The following MTCL1 variants were observed in gnomAD, a reference collection of about 807,000 sequenced individuals.
The protein encoded by MTCL1 is microtubule cross-linking factor 1.
A neutral mutation model predicts 141.4 loss-of-function variants in MTCL1; 79 were observed. The observed-to-expected ratio is 0.56, with a 90% CI of 0.47 to 0.67. The LOEUF (loss-of-function observed/expected upper bound fraction) is 0.67. Among genes scored for constraint, MTCL1 ranks in the 30% least tolerant of loss-of-function variants. The pLI is 0.00. For missense variants in MTCL1, 2,177 were observed against 2,113.9 expected (o/e 1.03, Z -0.59); for synonymous variants, 914 against 875.8 (o/e 1.04, Z -0.77).
At chr18:8,825,855 A>T in exon 15 of MTCL1, 1 of 1,614,120 alleles carries the variant, frequency 6.2e-7, no homozygotes, top group Non-Finnish European at 8.5e-7. Flanking sequence ...CCTCTTCAAC[A>T]TCATTGACCA....
chr18:8,710,837 CTTTTTTTTT>C (rs59041416), intron 1 of MTCL1, among the ~76,000 whole-genome samples: 1 of 80,934 alleles, frequency 1.2e-5, no homozygotes, highest in African/African-American at 4.8e-5. Flanking sequence ...GGAAGGCTTT[CTTTTTTTTT>C]TTTTTTTTTT....
At chr18:8,718,006 A>G in intron 2 of MTCL1, 1 of 1,018,518 alleles carries the variant, frequency 9.8e-7, no homozygotes, top group Non-Finnish European at 1.2e-6. Context: ...TATCCTACTG[A>G]AGTTTATGTT....
At chr18:8,785,380 G>A (rs750844229) in intron 6 of MTCL1, among the ~76,000 whole-genome samples, 16 of 152,222 alleles carry the variant, frequency 1.1e-4, no homozygotes, top group Admixed American at 2.0e-4. Flanking sequence ...CAAAGCGGGC[G>A]AGGAGCACGG....
Position 8,773,901 on chromosome 18 carries a change from A to G in MTCL1, c.358-3932A>G, listed in dbSNP as rs144307862. ...GTCTATCTTATACCAGCACCGAACC[A>G]TTGTATTGAATTTTTATATCTAATA... On this transcript the variant is annotated intron_variant, in intron 4 of 16. Transcript: ENST00000359865. Among the ~76,000 whole-genome samples the G allele has an allele frequency of 3.5e-3, 540 of 152,284 alleles. 6 individuals carry two copies. The highest frequency in any genetic ancestry group is 0.012 in the African/African-American group (517 of 41,548).
chr18:8,727,895 C>CCTCTCT (rs35191368), intron 4 of MTCL1, among the ~76,000 whole-genome samples: 2 of 142,212 alleles, frequency 1.4e-5, no homozygotes, highest in African/African-American at 5.3e-5. Context: ...TCCCTCCCTC[C>CCTCTCT]CTCTCTCTCT....
chr18:8,825,481 C>G lies in MTCL1; in HGVS notation c.3971C>G (p.Thr1324Ser), dbSNP rs116556506. Residue 1324 changes from threonine to serine, a missense_variant, in exon 15 of 17, where the codon ACC (threonine) becomes AGC (serine). By Grantham distance (58) the Thr-to-Ser change is moderately conservative. Transcript: ENST00000359865. The stretch of plus-strand genomic sequence containing the variant: ...ACGATGGGGACCCAGACTGTTCAGA[C>G]CATCAGTGTGGGCTTGCAGACTGAA... 1.9e-4 allele frequency: 301 copies of G among 1,609,658 alleles called. No homozygotes were observed. In the African/African-American group the frequency reaches 3.5e-3, roughly 19 times the overall value.
rs1241442977 is a variant in MTCL1, at chr18:8,828,159, C to T, written c.4723-749C>T. On this transcript the variant is annotated intron_variant, in intron 15 of 16. Transcript: ENST00000359865. The surrounding 1 kb of genome is among the most constrained non-coding windows in gnomAD (Gnocchi z 5.2). Reference sequence around the variant, plus strand: ...GCTCCATGAATTATGCAGTAGTTCTCGGTATGCGTTCCCAAATCCCCAGGA... The same window carrying T: ...GCTCCATGAATTATGCAGTAGTTCTTGGTATGCGTTCCCAAATCCCCAGGA... Among the ~76,000 whole-genome samples the T allele has an allele frequency of 3.3e-5, 5 of 152,282 alleles. No individual in the cohort carries two copies. Among genetic ancestry groups the T allele is most frequent in the Middle Eastern group, 3.4e-3 (1 of 294 alleles).
At chr18:8,801,575 A>G (rs1380817575) in intron 10 of MTCL1, 1 of 152,114 alleles carries the variant, frequency 6.6e-6, no homozygotes, top group Non-Finnish European at 1.5e-5. Context: ...ACATGTGCAG[A>G]TGGGTGCTTG....
At position 8,755,738 on chromosome 18, in the gene MTCL1, A is replaced by G. The variant is rs148562765; in HGVS notation, c.358-22095A>G. 4.4e-3 allele frequency among the ~76,000 whole-genome samples: 674 copies of G among 152,368 alleles called. 6 individuals are homozygous for G. The highest frequency in any genetic ancestry group is 0.016 in the African/African-American group (646 of 41,596). On this transcript the variant is annotated intron_variant, in intron 4 of 16. Coordinates refer to ENST00000359865, the Ensembl canonical transcript of MTCL1. Reference sequence around the variant, plus strand: ...CCAATCAAGTCAACAGAATGTTCACAGGGAGTGGGGCACGGAGGAGGATGT... The same window carrying G: ...CCAATCAAGTCAACAGAATGTTCACGGGGAGTGGGGCACGGAGGAGGATGT...
intron 4 of MTCL1, among the ~76,000 whole-genome samples, chr18:8,776,788 C>T (rs1046304264): frequency 2.0e-5 from 3 of 151,584 alleles, no homozygotes; most frequent in African/African-American, 7.3e-5. Flanking sequence ...CAAGGTCTTG[C>T]TCTGTTGCCC....
At chr18:8,738,403 T>C (rs1377440513) in intron 4 of MTCL1, among the ~76,000 whole-genome samples, 1 of 152,196 alleles carries the variant, frequency 6.6e-6, no homozygotes, top group Non-Finnish European at 1.5e-5. Context: ...TGTAAAATCA[T>C]TTTTGTAGGT....
chr18:8,824,587 G>T, intron 14 of MTCL1, 112 bp from the exon 14 acceptor site: 1 of 805,230 alleles, frequency 1.2e-6, no homozygotes, highest in South Asian at 1.8e-5. Context: ...TCCTGGTGTG[G>T]GTGGCAGCGG....
chr18:8,779,669 A>G lies in MTCL1; in HGVS notation c.417+1777A>G, dbSNP rs558053196. On this transcript the variant is annotated intron_variant, in intron 5 of 16. Transcript: ENST00000359865. The surrounding 1 kb of genome is among the most constrained non-coding windows in gnomAD (Gnocchi z 4.1). ...GACGTCTGACTCCTTCATTTAATAT[A>G]CACTCTCCCATGGCTTCCAGGACAG... 6.6e-6 allele frequency among the ~76,000 whole-genome samples: 1 copy of G among 151,792 alleles called. No individual in the cohort carries two copies. Among genetic ancestry groups the G allele is most frequent in the South Asian group, 2.1e-4 (1 of 4,786 alleles).
In MTCL1 at chr18:8,718,349, C is replaced by T. The variant is rs2096143974; in HGVS notation, c.-27-75C>T. 2.1e-5 allele frequency: 29 copies of T among 1,370,332 alleles called. No homozygotes were observed. The South Asian group carries it at 3.1e-4, about 15-fold the overall frequency. The allele number at this position is 1,370,332 out of a possible 1,614,324, so 84.9% of individuals were successfully genotyped here. On this transcript the variant is annotated intron_variant, in intron 2 of 16. Transcript: ENST00000359865. Reference sequence around the variant, plus strand: ...GTATTCAATATTTAGTATTGAGGAGCGGGTATGAAGGAGAGACATGCCATC... The same window carrying T: ...GTATTCAATATTTAGTATTGAGGAGTGGGTATGAAGGAGAGACATGCCATC...
Position 8,810,953 on chromosome 18 carries a change from T to C in MTCL1, c.2605-2026T>C, listed in dbSNP as rs1261955212. On this transcript the variant is annotated intron_variant, in intron 11 of 16. Coordinates refer to ENST00000359865, the Ensembl canonical transcript of MTCL1. This position sits in a 1 kb window ranked among gnomAD's most constrained non-coding sequence, Gnocchi z 5.0. Reference sequence around the variant, plus strand: ...CTCCCCGCTTAATGAAGCATTTGCCTTTATTACAGAGGCGAGATTCGATGT... The same window carrying C: ...CTCCCCGCTTAATGAAGCATTTGCCCTTATTACAGAGGCGAGATTCGATGT... Among the ~76,000 whole-genome samples the C allele has an allele frequency of 6.6e-6, 1 of 152,112 alleles. No homozygotes were observed. Among genetic ancestry groups the C allele is most frequent in the East Asian group, 1.9e-4 (1 of 5,164 alleles).
chr18:8,773,923 A>T (rs188326561), intron 4 of MTCL1, among the ~76,000 whole-genome samples: 1 of 152,322 alleles, frequency 6.6e-6, no homozygotes, highest in South Asian at 2.1e-4. Context: ...TTTTATATCT[A>T]ATAGCACAAA....
At position 8,798,324 on chromosome 18, in the gene MTCL1, C is replaced by G. The variant is rs202242569; in HGVS notation, c.2436+33C>G. 91 of 1,454,112 alleles carry G rather than the reference C, an allele frequency of 6.3e-5. No individual in the cohort carries two copies. In the East Asian group the frequency reaches 1.5e-3, roughly 24 times the overall value. The allele number at this position is 1,454,112 out of a possible 1,614,324, so 90.1% of individuals were successfully genotyped here. On this transcript the variant is annotated intron_variant, in intron 10 of 16. Coordinates refer to ENST00000359865, the Ensembl canonical transcript of MTCL1. ...CCTCGACCCGAGCCTGTCGCCCTGCCCACACCAGGGAGAGGAGGCTCCTAA... is the reference window on the plus strand; with the variant it reads ...CCTCGACCCGAGCCTGTCGCCCTGCGCACACCAGGGAGAGGAGGCTCCTAA...
intron 4 of MTCL1, among the ~76,000 whole-genome samples, chr18:8,747,720 C>T (rs2096347344): frequency 1.3e-5 from 2 of 152,232 alleles, no homozygotes; most frequent in Non-Finnish European, 2.9e-5. Context: ...CAGCCCACAA[C>T]ATACAGGAAA....
At chr18:8,768,853 G>A (rs1274792801) in intron 4 of MTCL1, among the ~76,000 whole-genome samples, 2 of 148,580 alleles carry the variant, frequency 1.3e-5, no homozygotes, top group Non-Finnish European at 3.0e-5. Flanking sequence ...GTGCAGTGGC[G>A]CGATCTTGGC....
Sources: gnomAD v4.1 joint callset for allele counts (sites outside exome capture counted in the v4.1 genomes callset) on GRCh38, gnomAD v4.1.1 for gene constraint, Gnocchi (gnomAD v3.1) non-coding constraint, MANE v1.5 for transcripts, NCBI Gene and HGNC (gene_info 2026-07-23, HGNC 2026-07-21) for gene names.